Variants in OR2L5 observed in about 807,000 individuals in gnomAD.
The protein encoded by OR2L5 is olfactory receptor family 2 subfamily L member 5.
For synonymous variants in OR2L5, 169 were observed against 142.0 expected (o/e 1.19, Z -1.35); for missense variants, 413 against 381.6 (o/e 1.08, Z -0.69).
chr1:248,014,219 C>T (rs1324544043), intron 1 of OR2L5, among the ~76,000 whole-genome samples: 2 of 151,706 alleles, frequency 1.3e-5, no homozygotes, highest in African/African-American at 4.8e-5. Context: ...CCAGTATTTC[C>T]AAGGAAATAT....
Position 248,021,962 on chromosome 1 carries a change from T to C in OR2L5, c.15T>C (p.Asn5=), listed in dbSNP as rs1324627416. 2.5e-6 allele frequency: 4 copies of C among 1,612,836 alleles called. No individual in the cohort carries two copies. The highest frequency in any genetic ancestry group is 3.3e-5 in the Admixed American group (2 of 59,954). ...ATGAATGCCCCATGGAAAATTACAA[T>C]CAAACGTCAACTGATTTCATCTTAT... is the stretch of plus-strand genomic sequence containing the variant. The part of the protein sequence containing the change: MENY[N]QTSTDFILLG... The change falls in exon 2 of 2, where the codon AAT becomes AAC. Residue 5 remains asparagine (N), a synonymous_variant. Transcript: ENST00000355281.
chr1:248,017,217 G>A (rs1364284001), intron 1 of OR2L5, among the ~76,000 whole-genome samples: 7 of 152,108 alleles, frequency 4.6e-5, no homozygotes, highest in Admixed American at 4.6e-4. Context: ...AATATTTACA[G>A]CTAATTCTGT....
intron 1 of OR2L5, among the ~76,000 whole-genome samples, chr1:248,013,989 C>T (rs1416541508): frequency 2.6e-5 from 4 of 152,022 alleles, no homozygotes; most frequent in African/African-American, 9.7e-5. Flanking sequence ...AGAGATAGGG[C>T]TAAATTATAT....
rs950050185 is a variant in OR2L5, at chr1:248,022,518, A to C, written c.571A>C (p.Thr191Pro). 6.2e-7 allele frequency: 1 copy of C among 1,614,150 alleles called. No individual in the cohort carries two copies. The highest frequency in any genetic ancestry group is 2.2e-5 in the East Asian group (1 of 44,882). Residue 191 changes from threonine to proline, a missense_variant, in exon 2 of 2, where the codon ACC (threonine) becomes CCC (proline). Transcript: ENST00000355281. ...TATGTTGACATTAGCCTGTACAGAC[A>C]CCTGGGTCTATGAGTACACAGTGTT... ...PAMLTLACTD[T>P]WVYEYTVFLS...
chr1:248,017,331 T>C (rs1194710547), intron 1 of OR2L5, among the ~76,000 whole-genome samples: 1 of 152,246 alleles, frequency 6.6e-6, no homozygotes, highest in Admixed American at 6.5e-5. Flanking sequence ...TGGCTGAGAC[T>C]GCTTCCTCAT....
chr1:248,018,278 T>C (rs1662255362), intron 1 of OR2L5, among the ~76,000 whole-genome samples: 1 of 152,202 alleles, frequency 6.6e-6, no homozygotes, highest in Admixed American at 6.5e-5. Flanking sequence ...TTTTCCTTTT[T>C]TAAAAATTAG....
At position 248,023,713 on chromosome 1, in the gene OR2L5, T is replaced by G. The variant is rs1257540025; in HGVS notation, c.*827T>G. 1 of 152,206 alleles carries G rather than the reference T, an allele frequency of 6.6e-6. No homozygotes were observed. Among genetic ancestry groups the G allele is most frequent in the Non-Finnish European group, 1.5e-5 (1 of 68,044 alleles). The allele number at this position is 152,206 out of a possible 1,614,324, so 9.4% of individuals were successfully genotyped here. ...CTGTGCCTAGAAGGATCAACATTAT[T>G]TTTATAAAAGTTGTCAGCTTAGGTC... On this transcript the variant is annotated 3_prime_UTR_variant, in exon 2 of 2. Transcript: ENST00000355281.
rs189841178 is a variant in OR2L5, at chr1:248,021,969, T to C, written c.22T>C (p.Ser8Pro). ...CCCCATGGAAAATTACAATCAAACG[T>C]CAACTGATTTCATCTTATTGGGGCT... MENYNQT[S>P]TDFILLGLFP... Residue 8 changes from serine to proline, a missense_variant, in exon 2 of 2, where the codon TCA (serine) becomes CCA (proline). By Grantham distance (74) the Ser-to-Pro change is moderately conservative (BLOSUM62 -1). Coordinates refer to ENST00000355281, the MANE Select transcript of OR2L5 (RefSeq NM_001258284.2). 1 of 1,613,312 alleles carries C rather than the reference T, an allele frequency of 6.2e-7. No homozygotes were observed. Among genetic ancestry groups the C allele is most frequent in the Non-Finnish European group, 8.5e-7 (1 of 1,179,578 alleles).
intron 1 of OR2L5, among the ~76,000 whole-genome samples, chr1:248,014,441 G>T (rs1280817445): frequency 8.5e-5 from 13 of 152,090 alleles, no homozygotes; most frequent in Non-Finnish European, 1.5e-5. Flanking sequence ...GTGACAAATT[G>T]TAGTGCTTTG....
rs1220214977 is a variant in OR2L5, at chr1:248,023,003, T to C, written c.*117T>C. 39 of 979,750 alleles carry C rather than the reference T, an allele frequency of 4.0e-5. No individual in the cohort carries two copies. In the Middle Eastern group the frequency reaches 1.1e-3, roughly 28 times the overall value. The allele number at this position is 979,750 out of a possible 1,614,324, so 60.7% of individuals were successfully genotyped here. A position where few individuals can be genotyped will look rare whatever the true frequency, so the allele number is the denominator to read the frequency against. ...GTCAAACAGAGATTAATCCAGAATG[T>C]TTGTCTTTTAATTTAGTCTTGACAT... is the stretch of plus-strand genomic sequence containing the variant. On this transcript the variant is annotated 3_prime_UTR_variant, in exon 2 of 2. Transcript: ENST00000355281.
chr1:248,015,502 T>G (rs529909509), intron 1 of OR2L5, among the ~76,000 whole-genome samples: 1 of 152,308 alleles, frequency 6.6e-6, no homozygotes, highest in African/African-American at 2.4e-5. Context: ...ACGAAGTCAA[T>G]GACTTCACAG....
At position 248,023,002 on chromosome 1, in the gene OR2L5, G is replaced by T; in HGVS notation, c.*116G>T. ...TGTCAAACAGAGATTAATCCAGAATGTTTGTCTTTTAATTTAGTCTTGACA... is the reference window on the plus strand; with the variant it reads ...TGTCAAACAGAGATTAATCCAGAATTTTTGTCTTTTAATTTAGTCTTGACA... On this transcript the variant is annotated 3_prime_UTR_variant, in exon 2 of 2. Transcript: ENST00000355281. 1 of 976,350 alleles carries T rather than the reference G, an allele frequency of 1.0e-6. No individual in the cohort carries two copies. Among genetic ancestry groups the T allele is most frequent in the Non-Finnish European group, 1.5e-6 (1 of 672,396 alleles). The allele number at this position is 976,350 out of a possible 1,614,324, so 60.5% of individuals were successfully genotyped here.
At chr1:248,021,382 T>C (rs994006754) in intron 1 of OR2L5, among the ~76,000 whole-genome samples, 1 of 152,204 alleles carries the variant, frequency 6.6e-6, no homozygotes, top group African/African-American at 2.4e-5. Context: ...TTAAAAACAA[T>C]TGGCTTACTA....
At chr1:248,020,165 C>A (rs1572676026) in intron 1 of OR2L5, among the ~76,000 whole-genome samples, 1 of 152,074 alleles carries the variant, frequency 6.6e-6, no homozygotes, top group Non-Finnish European at 1.5e-5. Context: ...GGAACTGGAA[C>A]AAGACAAGGA....
In OR2L5 at chr1:248,022,550, C is replaced by G; in HGVS notation, c.603C>G (p.Ser201Arg). 3 of 1,614,182 alleles carry G rather than the reference C, an allele frequency of 1.9e-6. No homozygotes were observed. The highest frequency in any genetic ancestry group is 2.5e-6 in the Non-Finnish European group (3 of 1,180,034). Residue 201 changes from serine to arginine, a missense_variant, in exon 2 of 2, where the codon AGC (serine) becomes AGG (arginine). By Grantham distance (110) the Ser-to-Arg change is moderately radical (BLOSUM62 -1). Coordinates refer to ENST00000355281, the MANE Select transcript of OR2L5 (RefSeq NM_001258284.2). ...TCTATGAGTACACAGTGTTTTTGAG[C>G]AGCACCATCTTTCTTGTGTTTCCCT... ...TWVYEYTVFLSSTIFLVFPFT... is the reference protein window; with the variant it reads ...TWVYEYTVFLRSTIFLVFPFT...
Position 248,022,234 on chromosome 1 carries a change from G to A in OR2L5, c.287G>A (p.Cys96Tyr), listed in dbSNP as rs765537681. The change falls in exon 2 of 2, where the codon TGT becomes TAT. Residue 96 changes from cysteine (C) to tyrosine (Y), a missense_variant. Cys to Tyr is a radical substitution (Grantham distance 194). Coordinates refer to ENST00000355281, the MANE Select transcript of OR2L5 (RefSeq NM_001258284.2). ...YGNKSISFIG[C>Y]GIQSFFFMTF... is the part of the protein sequence containing the mutation. ...AACAAGTCTATCTCCTTCATTGGGT[G>A]TGGGATTCAGAGTTTCTTCTTCATG... The A allele has an allele frequency of 1.2e-6, 2 of 1,614,178 alleles. No individual in the cohort carries two copies. Among genetic ancestry groups the A allele is most frequent in the East Asian group, 2.2e-5 (1 of 44,878 alleles).
In OR2L5 at chr1:248,013,715, T is replaced by C. The variant is rs1040042000; in HGVS notation, c.-45T>C. On this transcript the variant is annotated 5_prime_UTR_variant, in exon 1 of 2. Coordinates refer to ENST00000355281, the MANE Select transcript of OR2L5 (RefSeq NM_001258284.2). The stretch of plus-strand genomic sequence containing the variant: ...GGCAGCCAACAAAGGCAGTGCGTGT[T>C]TGAAATTGAGGAGATAATAAAAGGT... The C allele has an allele frequency of 2.0e-5, 3 of 152,136 alleles. No homozygotes were observed. The highest frequency in any genetic ancestry group is 4.4e-5 in the Non-Finnish European group (3 of 68,008). The allele number at this position is 152,136 out of a possible 1,614,324, so 9.4% of individuals were successfully genotyped here. A position where few individuals can be genotyped will look rare whatever the true frequency, so the allele number is the denominator to read the frequency against.
Position 248,013,791 on chromosome 1 carries a change from ACT to A in OR2L5, c.-22+56_-22+57del, listed in dbSNP as rs764422406. On this transcript the variant is annotated intron_variant, in intron 1 of 1. Transcript: ENST00000355281. ...TTTTATTGATCATAGGGAAGAAGAG[ACT>A]CTGGCAAGCGCTTAAGAGAACTTTA... 3.3e-5 allele frequency: 5 copies of A among 152,212 alleles called. No individual in the cohort carries two copies. The East Asian group carries it at 9.7e-4, about 29-fold the overall frequency. The allele number at this position is 152,212 out of a possible 1,614,324, so 9.4% of individuals were successfully genotyped here. A position where few individuals can be genotyped will look rare whatever the true frequency, so the allele number is the denominator to read the frequency against.
Position 248,021,912 on chromosome 1 carries a change from T to A in OR2L5, c.-21-15T>A, listed in dbSNP as rs73141315. 3 of 1,543,790 alleles carry A rather than the reference T, an allele frequency of 1.9e-6. No individual in the cohort carries two copies. The highest frequency in any genetic ancestry group is 2.7e-6 in the Non-Finnish European group (3 of 1,126,886). On this transcript the variant is annotated splice_polypyrimidine_tract_variant and intron_variant, in intron 1 of 1. Coordinates refer to ENST00000355281, the MANE Select transcript of OR2L5 (RefSeq NM_001258284.2). ...GGAACTACTGTACTTGACTTACCCT[T>A]GTGTCTCCCTTCAGGAAGGATCGTA...
Sources: allele counts gnomAD v4.1 joint callset (sites outside exome capture counted in the v4.1 genomes callset), GRCh38; gene constraint gnomAD v4.1.1; transcripts MANE v1.5; gene names NCBI Gene and HGNC (gene_info 2026-07-23, HGNC 2026-07-21).